PARD3B: variants seen among roughly 807,000 people sequenced by gnomAD.
PARD3B encodes partitioning defective 3 homolog B.
In PARD3B, 103 loss-of-function variants were observed where a neutral mutation model predicts 130.2. That is an observed-to-expected ratio of 0.79 (90% confidence interval 0.67 to 0.93). The LOEUF is 0.93. PARD3B is among the 40% of genes least tolerant of loss of function. The pLI is 0.00. For missense variants in PARD3B, 1,609 were observed against 1,499.2 expected, an observed-to-expected ratio of 1.07 and a Z score of -1.21; for synonymous variants, 583 against 553.2, an observed-to-expected ratio of 1.05 and a Z score of -0.76.
intron 2 of PARD3B, among the ~76,000 whole-genome samples, chr2:204,832,182 C>T (rs778055989): frequency 7.2e-5 from 11 of 151,846 alleles, no homozygotes; most frequent in African/African-American, 1.2e-4. Context: ...GCTGAGATCA[C>T]GCCACTGCAC....
chr2:205,202,977 G>A (rs909879168), intron 15 of PARD3B, among the ~76,000 whole-genome samples: 2 of 152,202 alleles, frequency 1.3e-5, no homozygotes, highest in Middle Eastern at 3.4e-3. Context: ...CAATAATGGG[G>A]CCACAAATGG....
At chr2:205,377,259 G>A (rs539331906) in intron 18 of PARD3B, among the ~76,000 whole-genome samples, 34 of 152,214 alleles carry the variant, frequency 2.2e-4, no homozygotes, top group African/African-American at 7.5e-4. Flanking sequence ...AAACATCAGT[G>A]TTTCTCGTCT....
At chr2:205,055,844 T>C (rs374951714) in intron 4 of PARD3B, among the ~76,000 whole-genome samples, 53 of 152,264 alleles carry the variant, frequency 3.5e-4, no homozygotes, top group African/African-American at 1.2e-3. Context: ...AAATGAATAA[T>C]ATCAAGAAAT....
At chr2:205,479,532 G>A (rs1327196545) in intron 20 of PARD3B, among the ~76,000 whole-genome samples, 1 of 152,174 alleles carries the variant, frequency 6.6e-6, no homozygotes, top group Non-Finnish European at 1.5e-5. Flanking sequence ...AGAAAAGACT[G>A]CTTTCCTCCA....
chr2:205,616,368 AC>A lies in PARD3B; in HGVS notation c.*556del, dbSNP rs1359831853. On this transcript the variant is annotated 3_prime_UTR_variant, in exon 23 of 23. Transcript: ENST00000406610. ...AAGAAAAAAAACAACAGCAAACATGACTAGTGATCTTGAAATATTTTGTACC... is the reference window on the plus strand; with the variant it reads ...AAGAAAAAAAACAACAGCAAACATGATAGTGATCTTGAAATATTTTGTACC... 2 of 152,404 alleles carry A rather than the reference AC, an allele frequency of 1.3e-5. No homozygotes were observed. The highest frequency in any genetic ancestry group is 2.9e-5 in the Non-Finnish European group (2 of 68,214). The allele number at this position is 152,404 out of a possible 1,614,324, so 9.4% of individuals were successfully genotyped here.
chr2:204,595,748 C>G (rs1227473723), intron 1 of PARD3B, among the ~76,000 whole-genome samples: 1 of 152,144 alleles, frequency 6.6e-6, no homozygotes, highest in Non-Finnish European at 1.5e-5. Flanking sequence ...TGAGCATGTA[C>G]TTTAAATGTT....
At chr2:205,018,253 G>A (rs540678009) in intron 3 of PARD3B, among the ~76,000 whole-genome samples, 2 of 152,170 alleles carry the variant, frequency 1.3e-5, no homozygotes, top group African/African-American at 4.8e-5. Flanking sequence ...TGCCTTTAAG[G>A]CATTCACACC....
Position 205,158,680 on chromosome 2 carries a change from G to T in PARD3B, c.1435-42G>T, listed in dbSNP as rs772876109. On this transcript the variant is annotated intron_variant, in intron 10 of 22. Coordinates refer to ENST00000406610, the MANE Select transcript of PARD3B (RefSeq NM_001302769.2). The surrounding 1 kb of genome is among the most constrained non-coding windows in gnomAD (Gnocchi z 5.4). ...ATCTGAGAGAGTGAAATATTAATCTGCTTTCTTCTCTTCACTCTTTTCATG... is the reference window on the plus strand; with the variant it reads ...ATCTGAGAGAGTGAAATATTAATCTTCTTTCTTCTCTTCACTCTTTTCATG... 54 of 1,536,528 alleles carry T rather than the reference G, an allele frequency of 3.5e-5. No homozygotes were observed. The South Asian group carries it at 6.0e-4, about 17-fold the overall frequency.
At chr2:205,050,206 A>C (rs558119614) in intron 4 of PARD3B, among the ~76,000 whole-genome samples, 1 of 148,422 alleles carries the variant, frequency 6.7e-6, no homozygotes, top group South Asian at 2.1e-4. Flanking sequence ...TAAATATATA[A>C]TAATACTAAT....
intron 1 of PARD3B, among the ~76,000 whole-genome samples, chr2:204,654,255 T>C (rs1224141542): frequency 6.6e-6 from 1 of 151,278 alleles, no homozygotes; most frequent in African/African-American, 2.5e-5. Context: ...TTATCCAGGC[T>C]GAGGGGGGAA....
chr2:204,751,068 A>G (rs2040447808), intron 2 of PARD3B, among the ~76,000 whole-genome samples: 1 of 152,196 alleles, frequency 6.6e-6, no homozygotes, highest in Admixed American at 6.5e-5. Context: ...TGTGAGCTTT[A>G]TTAAAACTGC....
intron 10 of PARD3B, among the ~76,000 whole-genome samples, chr2:205,143,986 G>T (rs1315034409): frequency 6.6e-6 from 1 of 152,178 alleles, no homozygotes; most frequent in Non-Finnish European, 1.5e-5. Flanking sequence ...ATGGCATCCA[G>T]TTGGTGGATG....
intron 21 of PARD3B, among the ~76,000 whole-genome samples, chr2:205,548,428 GGTGA>G (rs1177821636): frequency 2.0e-5 from 3 of 151,860 alleles, no homozygotes; most frequent in African/African-American, 7.3e-5. Context: ...TTCCTGTTTT[GGTGA>G]GTATTACCAA....
intron 20 of PARD3B, among the ~76,000 whole-genome samples, chr2:205,495,721 CAT>C (rs2049899595): frequency 6.6e-6 from 1 of 152,090 alleles, no homozygotes; most frequent in Admixed American, 6.6e-5. Context: ...GTCTCTAAAA[CAT>C]AAAATGAGAT....
intron 3 of PARD3B, among the ~76,000 whole-genome samples, chr2:205,041,416 G>A (rs1422149789): frequency 6.6e-6 from 1 of 152,168 alleles, no homozygotes; most frequent in Non-Finnish European, 1.5e-5. Context: ...GATTTTAGGT[G>A]TCTGTTTTAT....
intron 1 of PARD3B, among the ~76,000 whole-genome samples, chr2:204,661,759 C>T (rs556074889): frequency 6.6e-6 from 1 of 152,226 alleles, no homozygotes; most frequent in South Asian, 2.1e-4. Context: ...TAACTATCTT[C>T]TAAGAACAAA....
rs747812602 is a variant in PARD3B, at chr2:205,301,798, C to T, written c.2630+97C>T. 24 of 1,574,674 alleles carry T rather than the reference C, an allele frequency of 1.5e-5. No individual in the cohort carries two copies. The African/African-American group carries it at 3.1e-4, about 20-fold the overall frequency. ...ACTCAGAAAAAAGCGCACGCTTTTCCTCGTCTTCAGCCAAATGCATACGGC... is the reference window on the plus strand; with the variant it reads ...ACTCAGAAAAAAGCGCACGCTTTTCTTCGTCTTCAGCCAAATGCATACGGC... On this transcript the variant is annotated intron_variant, in intron 18 of 22. Transcript: ENST00000406610. The surrounding 1 kb of genome is among the most constrained non-coding windows in gnomAD (Gnocchi z 5.2).
chr2:205,244,335 C>T lies in PARD3B; in HGVS notation c.2141-1443C>T, dbSNP rs906434218. ...CCTCGCCTTGCTTCAACCCTTGAGA[C>T]CACAGTTTTGTGTACTAACATAGAC... On this transcript the variant is annotated intron_variant, in intron 15 of 22. Transcript: ENST00000406610. This position sits in a 1 kb window ranked among gnomAD's most constrained non-coding sequence, Gnocchi z 4.7. 6.6e-6 allele frequency among the ~76,000 whole-genome samples: 1 copy of T among 152,172 alleles called. No homozygotes were observed. Among genetic ancestry groups the T allele is most frequent in the African/African-American group, 2.4e-5 (1 of 41,444 alleles).
At chr2:204,982,688 G>T (rs1510777) in intron 3 of PARD3B, among the ~76,000 whole-genome samples, 82,950 of 152,070 alleles carry the variant, frequency 0.55, 23,514 homozygotes, top group Admixed American at 0.63. Context: ...CAAAACAAGT[G>T]TTCTAATTAA....
Sources: gnomAD v4.1 joint callset for allele counts (sites outside exome capture counted in the v4.1 genomes callset) on GRCh38, gnomAD v4.1.1 for gene constraint, Gnocchi (gnomAD v3.1) non-coding constraint, MANE v1.5 for transcripts, NCBI Gene and HGNC (gene_info 2026-07-23, HGNC 2026-07-21) for gene names.